Variants in KCNJ6 observed in about 807,000 individuals in gnomAD.
KCNJ6 encodes G protein-activated inward rectifier potassium channel 2.
A neutral mutation model predicts 34.2 loss-of-function variants in KCNJ6; 9 were observed. The ratio of observed to expected loss-of-function variants is 0.26; its 90% CI spans 0.16 to 0.46. The LOEUF (loss-of-function observed/expected upper bound fraction) is 0.46, where lower values mean the gene tolerates loss of function less well. KCNJ6 is among the 20% of genes least tolerant of loss of function. KCNJ6 has a pLI of 1.00. For missense variants in KCNJ6, 236 were observed against 531.3 expected (o/e 0.44, Z 5.46); for synonymous variants, 196 against 207.1 (o/e 0.95, Z 0.46).
chr21:37,839,812 CTTTTA>C (rs2055470034), intron 2 of KCNJ6, among the ~76,000 whole-genome samples: 1 of 152,024 alleles, frequency 6.6e-6, no homozygotes, highest in Admixed American at 6.6e-5. Context: ...TTATTTTTAT[CTTTTA>C]TTTTGAGACC....
intron 2 of KCNJ6, among the ~76,000 whole-genome samples, chr21:37,718,473 G>GTGTT (rs1336069747): frequency 6.6e-6 from 1 of 152,188 alleles, no homozygotes; most frequent in Non-Finnish European, 1.5e-5. Flanking sequence ...TCTGGGTTTA[G>GTGTT]TGTTTGTAAT....
At chr21:37,894,220 T>C (rs1464934996) in intron 1 of KCNJ6, among the ~76,000 whole-genome samples, 1 of 152,194 alleles carries the variant, frequency 6.6e-6, no homozygotes, top group Non-Finnish European at 1.5e-5. Flanking sequence ...AGGTACAGCC[T>C]TGCAACATCA....
chr21:37,873,595 T>A (rs1365591525), intron 1 of KCNJ6, among the ~76,000 whole-genome samples: 1 of 152,190 alleles, frequency 6.6e-6, no homozygotes, highest in Admixed American at 6.5e-5. Context: ...TTGACCCTAA[T>A]CTATAAGTGT....
intron 2 of KCNJ6, among the ~76,000 whole-genome samples, chr21:37,737,375 G>C (rs757273722): frequency 7.9e-5 from 12 of 152,158 alleles, no homozygotes; most frequent in Non-Finnish European, 1.6e-4. Context: ...TTTTCTCTCA[G>C]CTTGGGTGGC....
At chr21:37,709,890 C>T (rs1440578964) in intron 3 of KCNJ6, among the ~76,000 whole-genome samples, 1 of 152,184 alleles carries the variant, frequency 6.6e-6, no homozygotes, top group Admixed American at 6.5e-5. Flanking sequence ...CACCTATTTC[C>T]AGTGAACACT....
In KCNJ6 at chr21:37,625,214, T is replaced by C; in HGVS notation, c.1217A>G (p.Glu406Gly). Residue 406 changes from glutamate to glycine, a missense_variant, in exon 4 of 4, where the codon GAG becomes GGG. By Grantham distance (98) the Glu-to-Gly change is moderately conservative (BLOSUM62 -2). Coordinates refer to ENST00000609713, the MANE Select transcript of KCNJ6 (RefSeq NM_002240.5). ...ETEEEEKNLE[E>G]QTERNGDVAN... is the part of the protein sequence containing the mutation. ...CACATCACCATTTCTTTCTGTTTGC[T>C]CTTCGAGGTTCTTTTCTTCCTCTTC... is the stretch of plus-strand genomic sequence containing the variant. 6.2e-7 allele frequency: 1 copy of C among 1,614,228 alleles called. No homozygotes were observed. The highest frequency in any genetic ancestry group is 8.5e-7 in the Non-Finnish European group (1 of 1,180,038).
intron 3 of KCNJ6, among the ~76,000 whole-genome samples, chr21:37,699,984 G>C (rs1317045323): frequency 6.6e-6 from 1 of 152,132 alleles, no homozygotes; most frequent in Non-Finnish European, 1.5e-5. Context: ...GGAAACTCTT[G>C]AGGGTCTGAG....
At chr21:37,628,648 T>C (rs1336220509) in intron 3 of KCNJ6, among the ~76,000 whole-genome samples, 1 of 152,220 alleles carries the variant, frequency 6.6e-6, no homozygotes, top group African/African-American at 2.4e-5. Flanking sequence ...GGAAAGTCTT[T>C]AGTTCAATGA....
At chr21:37,783,093 C>T (rs1325953640) in intron 2 of KCNJ6, among the ~76,000 whole-genome samples, 1 of 152,172 alleles carries the variant, frequency 6.6e-6, no homozygotes, top group African/African-American at 2.4e-5. Context: ...GCTGAGTTCT[C>T]AAGAGGTTAG....
At chr21:37,763,904 A>G (rs1289743054) in intron 2 of KCNJ6, among the ~76,000 whole-genome samples, 6 of 152,200 alleles carry the variant, frequency 3.9e-5, no homozygotes, top group African/African-American at 1.4e-4. Flanking sequence ...GTTCATATGT[A>G]ACAAACCTGC....
chr21:37,659,606 A>G (rs2054479145), intron 3 of KCNJ6, among the ~76,000 whole-genome samples: 1 of 152,250 alleles, frequency 6.6e-6, no homozygotes, highest in Admixed American at 6.5e-5. Flanking sequence ...GGCTCCAGCC[A>G]CTGCCTCAGA....
intron 2 of KCNJ6, among the ~76,000 whole-genome samples, chr21:37,805,233 T>C (rs1282796823): frequency 6.6e-6 from 1 of 152,236 alleles, no homozygotes; most frequent in South Asian, 2.1e-4. Context: ...CACTGAATTG[T>C]ATACTTTACA....
intron 2 of KCNJ6, among the ~76,000 whole-genome samples, chr21:37,724,938 TA>T (rs562651229): frequency 1.3e-3 from 195 of 152,132 alleles, no homozygotes; most frequent in African/African-American, 3.8e-3. Flanking sequence ...TAAGATGTCT[TA>T]AAAAAAATTC....
intron 3 of KCNJ6, among the ~76,000 whole-genome samples, chr21:37,688,370 A>T (rs554385634): frequency 1.1e-4 from 9 of 79,744 alleles, no homozygotes; most frequent in Admixed American, 6.5e-4. Flanking sequence ...TTTTAAAAGC[A>T]TTTTTTTTTT....
chr21:37,857,699 T>A (rs2055572176), intron 1 of KCNJ6, among the ~76,000 whole-genome samples: 1 of 152,168 alleles, frequency 6.6e-6, no homozygotes, highest in South Asian at 2.1e-4. Flanking sequence ...CACAAATTAC[T>A]GACCCAGAAA....
intron 3 of KCNJ6, among the ~76,000 whole-genome samples, chr21:37,669,184 T>C (rs2054530691): frequency 6.6e-6 from 1 of 152,158 alleles, no homozygotes; most frequent in African/African-American, 2.4e-5. Flanking sequence ...AATCAGAAAA[T>C]CTTTGAATCC....
At chr21:37,759,905 G>T (rs1269266615) in intron 2 of KCNJ6, among the ~76,000 whole-genome samples, 2 of 152,178 alleles carry the variant, frequency 1.3e-5, no homozygotes, top group Non-Finnish European at 2.9e-5. Context: ...AAGGACAGCT[G>T]CTGGCTGGCC....
chr21:37,905,713 T>C (rs879621491), intron 1 of KCNJ6, among the ~76,000 whole-genome samples: 7 of 152,206 alleles, frequency 4.6e-5, no homozygotes, highest in Non-Finnish European at 7.3e-5. Flanking sequence ...TATTGTTTCA[T>C]CAATACTCTC....
At chr21:37,779,806 G>C (rs1450861929) in intron 2 of KCNJ6, among the ~76,000 whole-genome samples, 1 of 152,236 alleles carries the variant, frequency 6.6e-6, no homozygotes, top group Non-Finnish European at 1.5e-5. Context: ...GGAGTCACAA[G>C]TGAGGTTGTA....
Sources: allele counts gnomAD v4.1 joint callset (sites outside exome capture counted in the v4.1 genomes callset), GRCh38; gene constraint gnomAD v4.1.1; transcripts MANE v1.5; gene names NCBI Gene and HGNC (gene_info 2026-07-23, HGNC 2026-07-21).